Variants in ADAMTSL4 observed in about 807,000 individuals in gnomAD.
The protein encoded by ADAMTSL4 is ADAMTS-like protein 4.
ADAMTSL4 carries 97 observed loss-of-function variants against 122.8 expected under a neutral mutation model. The observed-to-expected ratio is 0.79, with a 90% CI of 0.67 to 0.93. The LOEUF is 0.93. ADAMTSL4 is among the 40% of genes least tolerant of loss of function. ADAMTSL4 has a pLI of 0.00. For synonymous variants in ADAMTSL4, 592 were observed against 568.0 expected, an observed-to-expected ratio of 1.04 and a Z score of -0.60; for missense variants, 1,408 against 1,453.5, an observed-to-expected ratio of 0.97 and a Z score of 0.51.
Position 150,552,617 on chromosome 1 carries a change from T to C in ADAMTSL4, c.78+17T>C. ...GATCAGGAGGTGAGTTCTGGACAAG[T>C]GAGCAGCTGCAGCCTGCCTGCCACC... is the stretch of plus-strand genomic sequence containing the variant. On this transcript the variant is annotated intron_variant, in intron 4 of 18. Coordinates refer to ENST00000271643, the MANE Select transcript of ADAMTSL4 (RefSeq NM_019032.6). This position sits in a 1 kb window ranked among gnomAD's most constrained non-coding sequence, Gnocchi z 4.0. 2 of 1,610,490 alleles carry C rather than the reference T, an allele frequency of 1.2e-6. No individual in the cohort carries two copies.
Position 150,553,243 on chromosome 1 carries a change from G to A in ADAMTSL4, c.424G>A (p.Ala142Thr), listed in dbSNP as rs1671622284. Residue 142 changes from alanine to threonine, a missense_variant, in exon 5 of 19, where the codon GCG (alanine) becomes ACG (threonine). By Grantham distance (58) the Ala-to-Thr change is moderately conservative. Coordinates refer to ENST00000271643, the MANE Select transcript of ADAMTSL4 (RefSeq NM_019032.6). Reference sequence around the variant, plus strand: ...GAGAGAGGAGACCCAGGAGATTCGAGCGGCCAGGAGGTGAGAGGCCTGGGT... The same window carrying A: ...GAGAGAGGAGACCCAGGAGATTCGAACGGCCAGGAGGTGAGAGGCCTGGGT... ...LGREETQEIRAARRSRLRDPI... is the reference protein window; with the variant it reads ...LGREETQEIRTARRSRLRDPI... The A allele has an allele frequency of 6.2e-7, 1 of 1,609,182 alleles. No individual in the cohort carries two copies. Among genetic ancestry groups the A allele is most frequent in the South Asian group, 1.1e-5 (1 of 90,642 alleles).
intron 2 of ADAMTSL4, chr1:150,550,807 A>G (rs765757056): frequency 1.8e-4 from 81 of 456,288 alleles, no homozygotes; most frequent in South Asian, 1.1e-3. Flanking sequence ...TGGCTCAGCC[A>G]CTCTGACCCC....
In ADAMTSL4 at chr1:150,558,600, A is replaced by G. The variant is rs764817428; in HGVS notation, c.2510A>G (p.Asp837Gly). 5.6e-6 allele frequency: 9 copies of G among 1,613,760 alleles called. No homozygotes were observed. In the African/African-American group the frequency reaches 9.3e-5, roughly 17 times the overall value. ...CAGCCCCCCAGCAGAGAGGCCTGTG[A>G]CATGGGGCCCTGTACTACTGCCTGG... is the stretch of plus-strand genomic sequence containing the variant. ...PPQPPSREAC[D>G]MGPCTTAWFH... The change falls in exon 15 of 19, where the codon GAC (aspartate) becomes GGC (glycine). Residue 837 changes from aspartate (D) to glycine (G), a missense_variant. Asp to Gly is a moderately conservative substitution (Grantham distance 94). Transcript: ENST00000271643.
Position 150,552,686 on chromosome 1 carries a change from G to A in ADAMTSL4, c.78+86G>A, listed in dbSNP as rs587758041. The A allele has an allele frequency of 1.7e-5, 26 of 1,519,686 alleles. No individual in the cohort carries two copies. The highest frequency in any genetic ancestry group is 1.5e-4 in the East Asian group (6 of 41,212). 94.1% of individuals were successfully genotyped at this position (1,519,686 alleles called of 1,614,324 possible). ...CTCCCACCCCATCTCTCCAGGCCAC[G>A]CCTCCATTCCCCACAGCCCACCCAC... is the stretch of plus-strand genomic sequence containing the variant. On this transcript the variant is annotated intron_variant, in intron 4 of 18. Transcript: ENST00000271643. This position sits in a 1 kb window ranked among gnomAD's most constrained non-coding sequence, Gnocchi z 4.0.
In ADAMTSL4 at chr1:150,553,108, C is replaced by A; in HGVS notation, c.289C>A (p.Pro97Thr). 2 of 1,613,310 alleles carry A rather than the reference C, an allele frequency of 1.2e-6. No homozygotes were observed. Among genetic ancestry groups the A allele is most frequent in the Non-Finnish European group, 1.7e-6 (2 of 1,179,806 alleles). The change falls in exon 5 of 19, where the codon CCC becomes ACC. Residue 97 changes from proline to threonine, a missense_variant. Coordinates refer to ENST00000271643, the MANE Select transcript of ADAMTSL4 (RefSeq NM_019032.6). ...RPPRHPEALL[P>T]RGQGPRPQTS... is the part of the protein sequence containing the mutation. Reference sequence around the variant, plus strand: ...CCCAAGACATCCAGAAGCCCTCCTCCCCCGGGGCCAGGGTCCCAGACCCCA... The same window carrying A: ...CCCAAGACATCCAGAAGCCCTCCTCACCCGGGGCCAGGGTCCCAGACCCCA...
At position 150,554,251 on chromosome 1, in the gene ADAMTSL4, G is replaced by T; in HGVS notation, c.1132-114G>T. 6.9e-7 allele frequency: 1 copy of T among 1,439,990 alleles called. No individual in the cohort carries two copies. Among genetic ancestry groups the T allele is most frequent in the Non-Finnish European group, 9.7e-7 (1 of 1,032,360 alleles). 89.2% of individuals were successfully genotyped at this position (1,439,990 alleles called of 1,614,324 possible). On this transcript the variant is annotated intron_variant, in intron 6 of 18. Coordinates refer to ENST00000271643, the MANE Select transcript of ADAMTSL4 (RefSeq NM_019032.6). This position sits in a 1 kb window ranked among gnomAD's most constrained non-coding sequence, Gnocchi z 4.0. ...CTTGGCATCTGACCACCTCAGGGCA[G>T]GGGTCTTGGAGCTCTTCCGCTGACC... is the stretch of plus-strand genomic sequence containing the variant.
intron 8 of ADAMTSL4, chr1:150,555,819 A>G (rs1672032193): frequency 1.6e-6 from 1 of 622,446 alleles, no homozygotes; most frequent in African/African-American, 1.8e-5. Context: ...ACATGCACAC[A>G]CACGTATGCA....
At chr1:150,558,878 G>C in intron 15 of ADAMTSL4, 84 bp from the exon 16 acceptor site, 1 of 1,540,018 alleles carries the variant, frequency 6.5e-7, no homozygotes. Flanking sequence ...TTCGGACCCA[G>C]GATGCGTCCC....
Position 150,553,887 on chromosome 1 carries a change from C to T in ADAMTSL4, c.896C>T (p.Pro299Leu). 6.2e-7 allele frequency: 1 copy of T among 1,613,980 alleles called. No individual in the cohort carries two copies. The highest frequency in any genetic ancestry group is 8.5e-7 in the Non-Finnish European group (1 of 1,179,998). ...AGTCCCCAGGTAGCAGGGAGACGCCCTGATCCTTTTCCTTCGGTCCCTCGG... is the reference window on the plus strand; with the variant it reads ...AGTCCCCAGGTAGCAGGGAGACGCCTTGATCCTTTTCCTTCGGTCCCTCGG... ...WASPQVAGRR[P>L]DPFPSVPRGR... Residue 299 changes from proline (P) to leucine (L), a missense_variant, in exon 6 of 19, where the codon CCT (proline) becomes CTT (leucine). By Grantham distance (98) the Pro-to-Leu change is moderately conservative (BLOSUM62 -3). Coordinates refer to ENST00000271643, the MANE Select transcript of ADAMTSL4 (RefSeq NM_019032.6).
chr1:150,559,296 G>A lies in ADAMTSL4; in HGVS notation c.2773G>A (p.Glu925Lys), dbSNP rs202208107. ...YTGPWGECSS[E>K]CGSGTQRRDI... ...CCTCCCCCTACACTAGTGCTCCTCC[G>A]AATGTGGCTCTGGCACACAGCGTAG... Residue 925 changes from glutamate to lysine, a missense_variant, in exon 17 of 19, where the codon GAA becomes AAA. Coordinates refer to ENST00000271643, the MANE Select transcript of ADAMTSL4 (RefSeq NM_019032.6). The surrounding 1 kb of genome is among the most constrained non-coding windows in gnomAD (Gnocchi z 4.1). The A allele has an allele frequency of 1.3e-4, 203 of 1,613,964 alleles. No individual in the cohort carries two copies. The highest frequency in any genetic ancestry group is 7.8e-4 in the South Asian group (71 of 91,076).
At chr1:150,551,042 TG>T in intron 2 of ADAMTSL4, 1 of 454,272 alleles carries the variant, frequency 2.2e-6, no homozygotes, top group South Asian at 1.6e-5. Flanking sequence ...GGAGCAGGGG[TG>T]GGAAGGACTC....
chr1:150,554,981 C>G lies in ADAMTSL4; in HGVS notation c.1235-448C>G, dbSNP rs1671867835. 6.7e-6 allele frequency among the ~76,000 whole-genome samples: 1 copy of G among 150,326 alleles called. No homozygotes were observed. Among genetic ancestry groups the G allele is most frequent in the Non-Finnish European group, 1.5e-5 (1 of 67,660 alleles). On this transcript the variant is annotated intron_variant, in intron 7 of 18. Transcript: ENST00000271643. The surrounding 1 kb of genome is among the most constrained non-coding windows in gnomAD (Gnocchi z 4.0). The stretch of plus-strand genomic sequence containing the variant: ...TGATGGTCTCGGTGACCTCAACTGA[C>G]CTGACCACCTTTTTTTTTTTTTTTC...
chr1:150,555,436 C>T lies in ADAMTSL4; in HGVS notation c.1242C>T (p.Gly414=), dbSNP rs1162572085. The T allele has an allele frequency of 1.9e-6, 3 of 1,614,040 alleles. No homozygotes were observed. Among genetic ancestry groups the T allele is most frequent in the African/African-American group, 2.7e-5 (2 of 74,956 alleles). The stretch of plus-strand genomic sequence containing the variant: ...TTCTACCCTGTCCCTTAGTCCAGGG[C>T]TCCCAGCGCTGTGAACTGAACTGCC... ...YQWEPFTEVQ[G]SQRCELNCRP... The change falls in exon 8 of 19, where the codon GGC becomes GGT. Residue 414 remains glycine, a synonymous_variant. Coordinates refer to ENST00000271643, the MANE Select transcript of ADAMTSL4 (RefSeq NM_019032.6).
chr1:150,551,048 G>C (rs1299692695), intron 2 of ADAMTSL4: 1 of 455,140 alleles, frequency 2.2e-6, no homozygotes, highest in East Asian at 7.0e-5. Context: ...GGGGTGGGAA[G>C]GACTCAAAGT....
At position 150,558,625 on chromosome 1, in the gene ADAMTSL4, G is replaced by A; in HGVS notation, c.2535G>A (p.Trp845Ter). 1 of 1,613,876 alleles carries A rather than the reference G, an allele frequency of 6.2e-7. No homozygotes were observed. The highest frequency in any genetic ancestry group is 8.5e-7 in the Non-Finnish European group (1 of 1,179,994). Residue 845 changes from tryptophan (W) to a stop codon, truncating the protein, a stop_gained, in exon 15 of 19, where the codon TGG becomes TGA. Coordinates refer to ENST00000271643, the MANE Select transcript of ADAMTSL4 (RefSeq NM_019032.6). LOFTEE classifies it high-confidence loss of function. ...ACATGGGGCCCTGTACTACTGCCTG[G>A]TTCCACAGCGACTGGAGCTCCAAGG... ...ACDMGPCTTA[W>*]FHSDWSSKCS...
At position 150,553,843 on chromosome 1, in the gene ADAMTSL4, A is replaced by G. The variant is rs752056721; in HGVS notation, c.852A>G (p.Pro284=). Residue 284 remains proline, a synonymous_variant, in exon 6 of 19, where the codon CCA becomes CCG. Coordinates refer to ENST00000271643, the MANE Select transcript of ADAMTSL4 (RefSeq NM_019032.6). ...FFRASPQPRR[P]SSQGWASPQV... ...GTGCATCCCCTCAGCCACGAAGGCC[A>G]AGTTCCCAGGGTTGGGCCAGTCCCC... 1 of 1,614,076 alleles carries G rather than the reference A, an allele frequency of 6.2e-7. No homozygotes were observed. The highest frequency in any genetic ancestry group is 8.5e-7 in the Non-Finnish European group (1 of 1,179,996).
Position 150,556,008 on chromosome 1 carries a change from TC to T in ADAMTSL4, c.1372-151del. 1.3e-6 allele frequency: 1 copy of T among 760,806 alleles called. No individual in the cohort carries two copies. Among genetic ancestry groups the T allele is most frequent in the Non-Finnish European group, 2.2e-6 (1 of 447,244 alleles). 47.1% of individuals were successfully genotyped at this position (760,806 alleles called of 1,614,324 possible). Reference sequence around the variant, plus strand: ...GGATCTGATCGGGCACCTGTCCATGTCCCTGGGTCTGGCTGGGGATGGTGGG... The same window carrying T: ...GGATCTGATCGGGCACCTGTCCATGTCCTGGGTCTGGCTGGGGATGGTGGG... On this transcript the variant is annotated intron_variant, in intron 8 of 18. Coordinates refer to ENST00000271643, the MANE Select transcript of ADAMTSL4 (RefSeq NM_019032.6). This position sits in a 1 kb window ranked among gnomAD's most constrained non-coding sequence, Gnocchi z 4.1.
chr1:150,552,836 T>G lies in ADAMTSL4; in HGVS notation c.79-62T>G. ...CCGTGAGCCTCAGTGTTGGTCTACA[T>G]GGACACTCTGGACAGTTCCCTCTAA... On this transcript the variant is annotated intron_variant, in intron 4 of 18. Transcript: ENST00000271643. This position sits in a 1 kb window ranked among gnomAD's most constrained non-coding sequence, Gnocchi z 4.0. 6.5e-7 allele frequency: 1 copy of G among 1,543,990 alleles called. No homozygotes were observed.
At chr1:150,558,877 A>G in intron 15 of ADAMTSL4, 85 bp from the exon 16 acceptor site, 4 of 1,540,316 alleles carry the variant, frequency 2.6e-6, no homozygotes, top group Non-Finnish European at 3.5e-6. Context: ...ATTCGGACCC[A>G]GGATGCGTCC....
Sources: allele counts gnomAD v4.1 joint callset (sites outside exome capture counted in the v4.1 genomes callset), GRCh38; gene constraint gnomAD v4.1.1; non-coding constraint Gnocchi (gnomAD v3.1); transcripts MANE v1.5; gene names NCBI Gene and HGNC (gene_info 2026-07-23, HGNC 2026-07-21).